The following ROR1 variants were observed in gnomAD, a reference collection of about 807,000 sequenced individuals.
ROR1 encodes inactive tyrosine-protein kinase transmembrane receptor ROR1.
In ROR1, 19 loss-of-function variants were observed where a neutral mutation model predicts 78.8. That is an observed-to-expected ratio of 0.24 (90% confidence interval 0.17 to 0.35). The LOEUF is 0.35. ROR1 is among the 10% of genes least tolerant of loss of function. The pLI is 1.00. For missense variants in ROR1, 917 were observed against 1,177.8 expected (o/e 0.78, Z 3.24); for synonymous variants, 386 against 433.6 (o/e 0.89, Z 1.36).
chr1:63,858,355 G>A (rs1241369533), intron 1 of ROR1, among the ~76,000 whole-genome samples: 1 of 152,044 alleles, frequency 6.6e-6, no homozygotes, highest in African/African-American at 2.4e-5. Context: ...CCAGACTGGG[G>A]GTGGCTTTAA....
intron 1 of ROR1, among the ~76,000 whole-genome samples, chr1:63,781,407 A>G (rs1471233738): frequency 2.6e-5 from 4 of 152,182 alleles, no homozygotes; most frequent in African/African-American, 7.2e-5. Flanking sequence ...CCAAATTCGT[A>G]CAATGATTAA....
intron 1 of ROR1, among the ~76,000 whole-genome samples, chr1:63,998,544 G>T (rs1278361508): frequency 6.6e-6 from 1 of 152,092 alleles, no homozygotes; most frequent in Non-Finnish European, 1.5e-5. Flanking sequence ...TAAACACACA[G>T]GTTGGAGCAG....
intron 1 of ROR1, among the ~76,000 whole-genome samples, chr1:63,877,536 T>C (rs1053197218): frequency 6.6e-6 from 1 of 152,118 alleles, no homozygotes; most frequent in Non-Finnish European, 1.5e-5. Context: ...GTAAAGGGAT[T>C]GGCCCTGGAG....
chr1:63,809,015 C>T (rs1293320003), intron 1 of ROR1, among the ~76,000 whole-genome samples: 1 of 152,104 alleles, frequency 6.6e-6, no homozygotes, highest in East Asian at 1.9e-4. Flanking sequence ...CAACTTGATT[C>T]ATGGCCATTT....
intron 1 of ROR1, among the ~76,000 whole-genome samples, chr1:63,957,467 C>T (rs1390358586): frequency 6.6e-6 from 1 of 152,216 alleles, no homozygotes. Context: ...TTTTCCTTCT[C>T]CTGTTGCCCC....
intron 4 of ROR1, among the ~76,000 whole-genome samples, chr1:64,090,934 T>C (rs533944511): frequency 6.4e-4 from 98 of 152,330 alleles, no homozygotes; most frequent in Non-Finnish European, 1.2e-3. Context: ...TCATGGACAT[T>C]TTTTAATGTA....
intron 1 of ROR1, among the ~76,000 whole-genome samples, chr1:63,875,258 G>T (rs1645277920): frequency 6.6e-6 from 1 of 152,186 alleles, no homozygotes; most frequent in Non-Finnish European, 1.5e-5. Flanking sequence ...AACAATGCCT[G>T]GAGTGAAATA....
intron 1 of ROR1, among the ~76,000 whole-genome samples, chr1:64,005,444 A>ATACACATTT: frequency 6.6e-6 from 1 of 152,352 alleles, no homozygotes; most frequent in South Asian, 2.1e-4. Context: ...TAAATGGCAC[A>ATACACATTT]TACACATTTG....
chr1:63,988,460 A>G (rs1646268757), intron 1 of ROR1, among the ~76,000 whole-genome samples: 1 of 152,156 alleles, frequency 6.6e-6, no homozygotes, highest in South Asian at 2.1e-4. Flanking sequence ...CTCCTTTTTC[A>G]GAAAAAATTG....
intron 1 of ROR1, among the ~76,000 whole-genome samples, chr1:63,833,175 T>C (rs1644999149): frequency 6.6e-6 from 1 of 152,218 alleles, no homozygotes; most frequent in African/African-American, 2.4e-5. Context: ...CAGCAGACAC[T>C]CAGTAACAGG....
chr1:64,112,281 A>G (rs1036302744), intron 4 of ROR1: 6 of 152,136 alleles, frequency 3.9e-5, no homozygotes, highest in Non-Finnish European at 8.8e-5. Context: ...TGTGTGTACT[A>G]TTGGGTAAGT....
chr1:63,906,548 G>C (rs541981632), intron 1 of ROR1, among the ~76,000 whole-genome samples: 1 of 152,128 alleles, frequency 6.6e-6, no homozygotes, highest in Admixed American at 6.6e-5. Flanking sequence ...AAGGTTAAGC[G>C]CTGCAGTCTG....
At chr1:63,914,695 CT>C (rs1645596250) in intron 1 of ROR1, among the ~76,000 whole-genome samples, 1 of 152,134 alleles carries the variant, frequency 6.6e-6, no homozygotes, top group African/African-American at 2.4e-5. Flanking sequence ...ACCCTCTTCT[CT>C]GCTTGGCAAA....
intron 1 of ROR1, among the ~76,000 whole-genome samples, chr1:63,949,613 G>T (rs549153107): frequency 6.6e-6 from 1 of 152,254 alleles, no homozygotes; most frequent in South Asian, 2.1e-4. Flanking sequence ...TCCTCCAGGA[G>T]CTGGCCCACA....
chr1:64,016,733 T>TTTTATATATATATATATA (rs1553151714), intron 2 of ROR1, among the ~76,000 whole-genome samples: 41 of 140,606 alleles, frequency 2.9e-4, no homozygotes, highest in East Asian at 8.1e-4. Context: ...TAAAATATAA[T>TTTTATATATATATATATA]TATATATATA....
chr1:64,024,005 C>T (rs1557614012), intron 2 of ROR1, among the ~76,000 whole-genome samples: 1 of 152,034 alleles, frequency 6.6e-6, no homozygotes, highest in East Asian at 1.9e-4. Context: ...TGTGGCAGTT[C>T]CTCTCTCTCT....
chr1:64,017,815 G>A (rs1646533390), intron 2 of ROR1, among the ~76,000 whole-genome samples: 1 of 152,188 alleles, frequency 6.6e-6, no homozygotes, highest in Non-Finnish European at 1.5e-5. Context: ...AAGCTTGGAA[G>A]TGTTTGTGCT....
chr1:63,784,722 G>C (rs12742568), intron 1 of ROR1, among the ~76,000 whole-genome samples: 25,513 of 152,166 alleles, frequency 0.17, 2,675 homozygotes, highest in African/African-American at 0.3. Flanking sequence ...TAAAATGGGA[G>C]CCATAATGGT....
At chr1:63,786,940 G>C (rs539334415) in intron 1 of ROR1, among the ~76,000 whole-genome samples, 41 of 152,252 alleles carry the variant, frequency 2.7e-4, no homozygotes, top group African/African-American at 7.9e-4. Flanking sequence ...GAGAAATATG[G>C]CAATATCCTC....
Sources: gnomAD v4.1 joint callset for allele counts (sites outside exome capture counted in the v4.1 genomes callset) on GRCh38, gnomAD v4.1.1 for gene constraint, MANE v1.5 for transcripts, NCBI Gene and HGNC (gene_info 2026-07-23, HGNC 2026-07-21) for gene names.